Variants in SLC30A7 observed in about 807,000 individuals in gnomAD.
SLC30A7 encodes the protein zinc transporter 7.
A neutral mutation model predicts 46.0 loss-of-function variants in SLC30A7; 35 were observed. That is an observed-to-expected ratio of 0.76 (90% CI 0.58 to 1.01). The LOEUF is 1.01. Ranked by LOEUF, SLC30A7 falls within the 50% of genes least tolerant of loss-of-function variation. SLC30A7 has a pLI of 0.00. For missense variants in SLC30A7, 464 were observed against 451.1 expected (o/e 1.03, Z -0.26); for synonymous variants, 147 against 157.8 (o/e 0.93, Z 0.51).
intron 8 of SLC30A7, among the ~76,000 whole-genome samples, chr1:100,961,597 T>C (rs1284545593): frequency 2.0e-5 from 3 of 152,246 alleles, no homozygotes; most frequent in African/African-American, 7.2e-5. Flanking sequence ...TTCAGTTTTA[T>C]AGCTTTACTC....
At position 100,978,157 on chromosome 1, in the gene SLC30A7, G is replaced by A. The variant is rs1250389903; in HGVS notation, c.*3300G>A. The stretch of plus-strand genomic sequence containing the variant: ...TAACTCCCCATGCATCTTTGTGAAG[G>A]ACAGTATCTAGTTTATCTGTAGGTC... On this transcript the variant is annotated 3_prime_UTR_variant, in exon 11 of 11. Transcript: ENST00000357650. 5 of 152,224 alleles carry A rather than the reference G, an allele frequency of 3.3e-5. No individual in the cohort carries two copies. Among genetic ancestry groups the A allele is most frequent in the Admixed American group, 3.3e-4 (5 of 15,274 alleles). 9.4% of individuals were successfully genotyped at this position (152,224 alleles called of 1,614,324 possible).
intron 10 of SLC30A7, chr1:100,972,698 A>G (rs1018485134): frequency 3.3e-5 from 5 of 152,158 alleles, no homozygotes; most frequent in Admixed American, 6.5e-5. Context: ...GAATTTTTAA[A>G]GAGTTCCTAA....
At chr1:100,918,432 C>T (rs1652732751) in intron 7 of SLC30A7, among the ~76,000 whole-genome samples, 1 of 152,114 alleles carries the variant, frequency 6.6e-6, no homozygotes, top group Non-Finnish European at 1.5e-5. Flanking sequence ...GAGTTTGAGA[C>T]CACCCTGGGG....
At chr1:100,924,158 G>A (rs1653131974) in intron 8 of SLC30A7, among the ~76,000 whole-genome samples, 3 of 152,162 alleles carry the variant, frequency 2.0e-5, no homozygotes, top group South Asian at 4.1e-4. Flanking sequence ...ACATATAAAA[G>A]TATTTAAATA....
At position 100,913,771 on chromosome 1, in the gene SLC30A7, A is replaced by G. The variant is rs759027768; in HGVS notation, c.620A>G (p.Asp207Gly). 1.9e-6 allele frequency: 3 copies of G among 1,613,536 alleles called. No individual in the cohort carries two copies. The highest frequency in any genetic ancestry group is 1.3e-5 in the African/African-American group (1 of 75,030). ...EVKHGAAHSH[D>G]HAHGHGHFHS... ...AAACATGGTGCTGCACATAGCCATG[A>G]TCATGCTCATGGACATGGACACTTT... Residue 207 changes from aspartate (D) to glycine (G), a missense_variant, in exon 6 of 11, where the codon GAT (aspartate) becomes GGT (glycine). By Grantham distance (94) the Asp-to-Gly change is moderately conservative. Coordinates refer to ENST00000357650, the MANE Select transcript of SLC30A7 (RefSeq NM_133496.5).
the SLC30A7 span, among the ~76,000 whole-genome samples, chr1:100,994,664 T>A: frequency 2.6e-5 from 4 of 151,932 alleles, no homozygotes; most frequent in African/African-American, 7.3e-5. Context: ...GTAGCTGAGA[T>A]TAAAGGCACG....
rs749803365 is a variant in SLC30A7, at chr1:100,974,879, C to G, written c.*22C>G. On this transcript the variant is annotated 3_prime_UTR_variant, in exon 11 of 11. Coordinates refer to ENST00000357650, the MANE Select transcript of SLC30A7 (RefSeq NM_133496.5). ...GTAGTGAATGGAAAGAAATTATGCA[C>G]CTTTTATGGACCAAATTTTTCTGGT... 1 of 1,593,288 alleles carries G rather than the reference C, an allele frequency of 6.3e-7. No individual in the cohort carries two copies. The highest frequency in any genetic ancestry group is 1.1e-5 in the South Asian group (1 of 88,642).
rs1243564854 is a variant in SLC30A7, at chr1:100,980,524, C to T, written c.*5667C>T. On this transcript the variant is annotated 3_prime_UTR_variant, in exon 11 of 11. Coordinates refer to ENST00000357650, the MANE Select transcript of SLC30A7 (RefSeq NM_133496.5). The stretch of plus-strand genomic sequence containing the variant: ...ACATGCTGAGTAAATGTTTGGTTAA[C>T]TAGTGAACATTTTAGATAGTTGTGT... 1.3e-5 allele frequency: 2 copies of T among 152,054 alleles called. No individual in the cohort carries two copies. The highest frequency in any genetic ancestry group is 6.6e-5 in the Admixed American group (1 of 15,266). The allele number at this position is 152,054 out of a possible 1,614,324, so 9.4% of individuals were successfully genotyped here. A position where few individuals can be genotyped will look rare whatever the true frequency, so the allele number is the denominator to read the frequency against.
chr1:100,926,174 A>G (rs1201515365), intron 8 of SLC30A7, among the ~76,000 whole-genome samples: 1 of 152,060 alleles, frequency 6.6e-6, no homozygotes, highest in African/African-American at 2.4e-5. Context: ...AGGTCATATG[A>G]TTGGATTTCT....
downstream of SLC30A7, among the ~76,000 whole-genome samples, chr1:100,985,717 T>A (rs753137280): frequency 1.3e-5 from 2 of 151,212 alleles, no homozygotes; most frequent in Admixed American, 6.6e-5. Context: ...AAAAAAAAAA[T>A]GAGTGTGGAT....
chr1:100,983,293 T>C (rs984215649), downstream of SLC30A7, among the ~76,000 whole-genome samples: 1 of 150,970 alleles, frequency 6.6e-6, no homozygotes, highest in Non-Finnish European at 1.5e-5. Flanking sequence ...TTTTTTTCAT[T>C]CTTTCCAAAA....
chr1:100,921,137 A>C (rs779473243), intron 7 of SLC30A7, among the ~76,000 whole-genome samples: 1 of 152,134 alleles, frequency 6.6e-6, no homozygotes, highest in Non-Finnish European at 1.5e-5. Flanking sequence ...AAATATTCAA[A>C]TCAGTGCCTG....
Position 100,913,823 on chromosome 1 carries a change from G to T in SLC30A7, c.655+17G>T. 6.3e-7 allele frequency: 1 copy of T among 1,591,650 alleles called. No homozygotes were observed. The highest frequency in any genetic ancestry group is 1.1e-5 in the South Asian group (1 of 88,048). The stretch of plus-strand genomic sequence containing the variant: ...ATTCTCATGGTGAGTACAGCCTAGA[G>T]ACAAATGGACAGCCTCCAAATAAAC... On this transcript the variant is annotated intron_variant, in intron 6 of 10. Coordinates refer to ENST00000357650, the MANE Select transcript of SLC30A7 (RefSeq NM_133496.5).
At chr1:100,923,604 C>G (rs2101035324) in intron 8 of SLC30A7, among the ~76,000 whole-genome samples, 1 of 152,100 alleles carries the variant, frequency 6.6e-6, no homozygotes, top group African/African-American at 2.4e-5. Context: ...ATGGTGAAAC[C>G]ATGTTTCTAC....
chr1:100,975,844 T>A lies in SLC30A7; in HGVS notation c.*987T>A, dbSNP rs1656456537. ...CCCGGCTATGTTTTTTTTTTTTTTT[T>A]TTTTTTTTTTTAACAATGGATATTC... On this transcript the variant is annotated 3_prime_UTR_variant, in exon 11 of 11. Transcript: ENST00000357650. 1 of 151,178 alleles carries A rather than the reference T, an allele frequency of 6.6e-6. No homozygotes were observed. The highest frequency in any genetic ancestry group is 6.6e-5 in the Admixed American group (1 of 15,164). The allele number at this position is 151,178 out of a possible 1,614,324, so 9.4% of individuals were successfully genotyped here.
chr1:100,908,218 GCTCC>G (rs1161645425), intron 3 of SLC30A7, among the ~76,000 whole-genome samples: 1 of 151,804 alleles, frequency 6.6e-6, no homozygotes, highest in African/African-American at 2.4e-5. Context: ...GTCCTTAACT[GCTCC>G]CCCTTTCTCC....
chr1:100,992,270 G>T, the SLC30A7 span, among the ~76,000 whole-genome samples: 6 of 152,000 alleles, frequency 3.9e-5, no homozygotes, highest in Non-Finnish European at 5.9e-5. Context: ...GAGAATAAAA[G>T]AACGATAAGT....
intron 8 of SLC30A7, among the ~76,000 whole-genome samples, chr1:100,945,277 G>A (rs1381787216): frequency 1.3e-5 from 2 of 152,196 alleles, no homozygotes; most frequent in East Asian, 1.9e-4. Context: ...CTGTGCAGAA[G>A]CTCTTTAGTT....
chr1:100,916,387 G>C (rs560037187), intron 6 of SLC30A7, among the ~76,000 whole-genome samples: 2 of 152,016 alleles, frequency 1.3e-5, no homozygotes, highest in African/African-American at 4.8e-5. Flanking sequence ...AGGTTTCACC[G>C]TGTTAGCCAG....
Sources: allele counts gnomAD v4.1 joint callset (sites outside exome capture counted in the v4.1 genomes callset), GRCh38; gene constraint gnomAD v4.1.1; transcripts MANE v1.5; gene names NCBI Gene and HGNC (gene_info 2026-07-23, HGNC 2026-07-21).